The following GCNT4 variants were observed in gnomAD, a reference collection of about 807,000 sequenced individuals.
GCNT4 encodes the protein beta-1,3-galactosyl-O-glycosyl-glycoprotein beta-1,6-N-acetylglucosaminyltransferase 4.
A neutral mutation model predicts 31.3 loss-of-function variants in GCNT4; 17 were observed. That is an observed-to-expected ratio of 0.54 (90% CI 0.37 to 0.81). GCNT4 has a LOEUF of 0.81. GCNT4 is among the 40% of genes least tolerant of loss of function. The pLI is 0.00. For missense variants in GCNT4, 503 were observed against 525.5 expected, an observed-to-expected ratio of 0.96 and a Z score of 0.42; for synonymous variants, 158 against 190.6, an observed-to-expected ratio of 0.83 and a Z score of 1.41.
Position 75,028,606 on chromosome 5 carries a change from T to C in GCNT4, c.*70A>G, listed in dbSNP as rs1742995813. The C allele has an allele frequency of 2.2e-6, 3 of 1,372,960 alleles. No homozygotes were observed. The African/African-American group carries it at 4.4e-5, about 20-fold the overall frequency. 85.0% of individuals were successfully genotyped at this position (1,372,960 alleles called of 1,614,324 possible). A position where few individuals can be genotyped will look rare whatever the true frequency, so the allele number is the denominator to read the frequency against. On this transcript the variant is annotated 3_prime_UTR_variant, in exon 4 of 4. Coordinates refer to ENST00000652361, the MANE Select transcript of GCNT4 (RefSeq NM_001366737.1). Reference sequence around the variant, plus strand: ...GACTGAGTTTAAACAGTATTGGGCATAGTATGGTATTCAATTCCACACTGA... The same window carrying C: ...GACTGAGTTTAAACAGTATTGGGCACAGTATGGTATTCAATTCCACACTGA...
At chr5:75,037,734 C>T (rs565245679) in intron 3 of GCNT4, among the ~76,000 whole-genome samples, 6 of 151,724 alleles carry the variant, frequency 4.0e-5, no homozygotes, top group East Asian at 1.9e-4. Flanking sequence ...GAAAATTAGC[C>T]GGGCATGGTG....
At position 75,026,660 on chromosome 5, in the gene GCNT4, A is replaced by AC. The variant is rs1003399928; in HGVS notation, c.*2015_*2016insG. ...AATCGATTCTCACAAAAAAAAAAAA[A>AC]AAAAAAAAAAAACACTTGTGTGGAA... On this transcript the variant is annotated 3_prime_UTR_variant, in exon 4 of 4. Transcript: ENST00000652361. 5 of 150,414 alleles carry AC rather than the reference A, an allele frequency of 3.3e-5. No individual in the cohort carries two copies. Among genetic ancestry groups the AC allele is most frequent in the African/African-American group, 4.9e-5 (2 of 40,480 alleles). 9.3% of individuals were successfully genotyped at this position (150,414 alleles called of 1,614,324 possible).
chr5:75,030,829 G>C (rs1448532754), intron 3 of GCNT4: 1 of 167,018 alleles, frequency 6.0e-6, no homozygotes, highest in Non-Finnish European at 1.5e-5. Context: ...CAAGCACAAA[G>C]AGGTTCCCTA....
At chr5:75,053,883 C>T (rs1743649633), upstream of GCNT4, among the ~76,000 whole-genome samples, 3 of 152,198 alleles carry the variant, frequency 2.0e-5, no homozygotes, top group African/African-American at 7.2e-5. Flanking sequence ...GACAAGAAAT[C>T]TGAGGTCAGG....
At chr5:75,042,026 T>G (rs540054903) in intron 3 of GCNT4, among the ~76,000 whole-genome samples, 32 of 152,326 alleles carry the variant, frequency 2.1e-4, no homozygotes, top group African/African-American at 7.0e-4. Flanking sequence ...AAATTTCAGT[T>G]TGATGAAAAA....
At chr5:75,035,883 A>G (rs1743186952) in intron 3 of GCNT4, among the ~76,000 whole-genome samples, 1 of 152,216 alleles carries the variant, frequency 6.6e-6, no homozygotes, top group African/African-American at 2.4e-5. Context: ...CTGTTTTTCA[A>G]TCTACCTCCT....
chr5:75,035,340 G>A (rs1743172022), intron 3 of GCNT4, among the ~76,000 whole-genome samples: 1 of 152,208 alleles, frequency 6.6e-6, no homozygotes, highest in Non-Finnish European at 1.5e-5. Flanking sequence ...GGTAAGTCAA[G>A]AATGAGAGGA....
chr5:75,021,620 A>T (rs532116456), downstream of GCNT4, among the ~76,000 whole-genome samples: 3 of 152,330 alleles, frequency 2.0e-5, no homozygotes, highest in South Asian at 2.1e-4. Flanking sequence ...TTTCCTTACC[A>T]GTTAATTATT....
the GCNT4 span, among the ~76,000 whole-genome samples, chr5:75,019,661 G>A: frequency 6.6e-6 from 1 of 152,132 alleles, no homozygotes; most frequent in Non-Finnish European, 1.5e-5. Flanking sequence ...GAAAACCTGT[G>A]AAGCAAAATC....
chr5:75,048,806 G>C (rs1277228347), intron 2 of GCNT4, among the ~76,000 whole-genome samples: 1 of 152,164 alleles, frequency 6.6e-6, no homozygotes. Flanking sequence ...TAGAAGTTAA[G>C]CAGCCCAGTG....
intron 2 of GCNT4, among the ~76,000 whole-genome samples, 178 bp downstream of exon 2, chr5:75,051,991 T>C (rs895584426): frequency 1.3e-5 from 2 of 152,194 alleles, no homozygotes; most frequent in African/African-American, 4.8e-5. Flanking sequence ...CAACATAGGA[T>C]ATGCTCTCTA....
At chr5:75,019,996 T>C in the GCNT4 span, among the ~76,000 whole-genome samples, 1 of 152,204 alleles carries the variant, frequency 6.6e-6, no homozygotes, top group Non-Finnish European at 1.5e-5. Context: ...GAATTATTCT[T>C]AATTTTGTTA....
At chr5:75,053,674 C>T (rs1042669342), upstream of GCNT4, among the ~76,000 whole-genome samples, 5 of 152,018 alleles carry the variant, frequency 3.3e-5, no homozygotes. Context: ...TCGCCCGGCC[C>T]GGGGTGGGAG....
the GCNT4 span, chr5:75,017,610 G>A: frequency 6.6e-6 from 1 of 152,240 alleles, no homozygotes; most frequent in African/African-American, 2.4e-5. Context: ...TTAGGAAGGG[G>A]GTGGATTTGT....
chr5:75,040,431 C>T (rs1475601917), intron 3 of GCNT4, among the ~76,000 whole-genome samples: 1 of 152,230 alleles, frequency 6.6e-6, no homozygotes, highest in African/African-American at 2.4e-5. Context: ...GTATTAAAGA[C>T]ATCCATACCT....
chr5:75,021,481 C>G (rs1742880067), downstream of GCNT4, among the ~76,000 whole-genome samples: 2 of 152,138 alleles, frequency 1.3e-5, no homozygotes, highest in Non-Finnish European at 2.9e-5. Flanking sequence ...CAGGAGGGCT[C>G]TTTGTGCTCT....
At chr5:75,019,116 A>T in the GCNT4 span, among the ~76,000 whole-genome samples, 1 of 152,202 alleles carries the variant, frequency 6.6e-6, no homozygotes, top group Non-Finnish European at 1.5e-5. Flanking sequence ...TGCTCATAAG[A>T]GGAGATAGAG....
chr5:75,017,236 AC>A, the GCNT4 span, among the ~76,000 whole-genome samples: 1,126 of 152,292 alleles, frequency 7.4e-3, 15 homozygotes, highest in Middle Eastern at 0.037. Context: ...CCTGGAAGCC[AC>A]AGCTTTTTTC....
chr5:75,029,775 A>G lies in GCNT4; in HGVS notation c.263T>C (p.Leu88Pro), dbSNP rs1160349102. The change falls in exon 4 of 4, where the codon CTG becomes CCG. Residue 88 changes from leucine to proline, a missense_variant. Coordinates refer to ENST00000652361, the MANE Select transcript of GCNT4 (RefSeq NM_001366737.1). ...EQEPLEIGKS[L>P]EIRRRDIIDL... Reference sequence around the variant, plus strand: ...AATGATGTCCCTTCTTCTTATTTCCAGACTCTTTCCAATTTCCAAAGGCTC... The same window carrying G: ...AATGATGTCCCTTCTTCTTATTTCCGGACTCTTTCCAATTTCCAAAGGCTC... 1.2e-6 allele frequency: 2 copies of G among 1,614,154 alleles called. No homozygotes were observed. Among genetic ancestry groups the G allele is most frequent in the Non-Finnish European group, 1.7e-6 (2 of 1,180,024 alleles).
Sources: allele counts gnomAD v4.1 joint callset (sites outside exome capture counted in the v4.1 genomes callset), GRCh38; gene constraint gnomAD v4.1.1; transcripts MANE v1.5; gene names NCBI Gene and HGNC (gene_info 2026-07-23, HGNC 2026-07-21).